Variants in PRDM16 observed in about 807,000 individuals in gnomAD.
PRDM16 encodes histone-lysine N-methyltransferase PRDM16.
PRDM16 carries 23 observed loss-of-function variants against 110.6 expected under a neutral mutation model. The ratio of observed to expected loss-of-function variants is 0.21; its 90% CI spans 0.15 to 0.29. The LOEUF (loss-of-function observed/expected upper bound fraction) is 0.29. Ranked by LOEUF, PRDM16 falls within the 10% of genes least tolerant of loss-of-function variation. PRDM16 has a pLI of 1.00. For missense variants in PRDM16, 1,615 were observed against 1,794.3 expected, an observed-to-expected ratio of 0.90 and a Z score of 1.81; for synonymous variants, 799 against 781.8, an observed-to-expected ratio of 1.02 and a Z score of -0.37.
intron 3 of PRDM16, among the ~76,000 whole-genome samples, chr1:3,259,046 T>A (rs1640107678): frequency 6.6e-6 from 1 of 152,202 alleles, no homozygotes; most frequent in Admixed American, 6.5e-5. Flanking sequence ...AAAAGGGAAC[T>A]GGCAAGGTGG....
intron 3 of PRDM16, among the ~76,000 whole-genome samples, chr1:3,327,131 G>A (rs1347005468): frequency 6.6e-6 from 1 of 152,254 alleles, no homozygotes; most frequent in Admixed American, 6.5e-5. Flanking sequence ...AACACTTTTT[G>A]TGTCTGAGAC....
At chr1:3,348,723 C>T (rs1190966985) in intron 3 of PRDM16, among the ~76,000 whole-genome samples, 1 of 152,248 alleles carries the variant, frequency 6.6e-6, no homozygotes, top group Non-Finnish European at 1.5e-5. Context: ...TTCACAGGAA[C>T]AGTCTGTCCT....
intron 1 of PRDM16, among the ~76,000 whole-genome samples, chr1:3,076,614 G>A (rs1557428295): frequency 6.6e-6 from 1 of 152,206 alleles, no homozygotes; most frequent in Non-Finnish European, 1.5e-5. Flanking sequence ...CTCGCCCACA[G>A]GTAGTGCCAG....
At chr1:3,394,059 CT>C (rs1486692419) in intron 4 of PRDM16, among the ~76,000 whole-genome samples, 1 of 152,102 alleles carries the variant, frequency 6.6e-6, no homozygotes, top group Non-Finnish European at 1.5e-5. Flanking sequence ...CCCGGCAAGT[CT>C]GCTGCCCTCG....
At position 3,404,719 on chromosome 1, in the gene PRDM16, G is replaced by C. The variant is rs368193795; in HGVS notation, c.885-20G>C. On this transcript the variant is annotated intron_variant, in intron 6 of 16. Coordinates refer to ENST00000270722, the MANE Select transcript of PRDM16 (RefSeq NM_022114.4). ...AGGGCAGGTAGTCGGGCCCCGCAGT[G>C]AGCCTCGTCCTCTGCGCAGCCTGGA... 3.1e-6 allele frequency: 5 copies of C among 1,611,710 alleles called. No homozygotes were observed. The East Asian group carries it at 1.1e-4, about 36-fold the overall frequency.
chr1:3,265,473 G>A lies in PRDM16; in HGVS notation c.438+21336G>A, dbSNP rs1640265027. Among the ~76,000 whole-genome samples, 1 of 152,036 alleles carries A rather than the reference G, an allele frequency of 6.6e-6. No homozygotes were observed. Among genetic ancestry groups the A allele is most frequent in the South Asian group, 2.1e-4 (1 of 4,828 alleles). On this transcript the variant is annotated intron_variant, in intron 3 of 16. Transcript: ENST00000270722. This position sits in a 1 kb window ranked among gnomAD's most constrained non-coding sequence, Gnocchi z 4.5. ...GGGAGGGACTTGGAGGCTTCCCGGT[G>A]GGAAGGTGAGTTGCCCTGCCTGCTT...
chr1:3,381,634 AC>A (rs1375484519), intron 3 of PRDM16, among the ~76,000 whole-genome samples: 1 of 151,706 alleles, frequency 6.6e-6, no homozygotes, highest in Non-Finnish European at 1.5e-5. Context: ...CAGGTGATCC[AC>A]CCGCCTCACT....
chr1:3,222,811 A>G (rs895537978), intron 2 of PRDM16, among the ~76,000 whole-genome samples: 1 of 152,206 alleles, frequency 6.6e-6, no homozygotes, highest in African/African-American at 2.4e-5. Flanking sequence ...TCCATCTGTG[A>G]TTCCTGGGCT....
intron 3 of PRDM16, among the ~76,000 whole-genome samples, chr1:3,267,361 G>T (rs1425616747): frequency 6.6e-6 from 1 of 152,128 alleles, no homozygotes; most frequent in Non-Finnish European, 1.5e-5. Context: ...CCTTTTTCTG[G>T]CTGAGTAATA....
chr1:3,269,401 G>A (rs1300956130), intron 3 of PRDM16, among the ~76,000 whole-genome samples: 2 of 151,558 alleles, frequency 1.3e-5, no homozygotes, highest in Non-Finnish European at 2.9e-5. Flanking sequence ...TCCCGGAGGA[G>A]GACAGTCGGG....
chr1:3,306,147 G>C (rs1641308380), intron 3 of PRDM16, among the ~76,000 whole-genome samples: 1 of 152,214 alleles, frequency 6.6e-6, no homozygotes, highest in South Asian at 2.1e-4. Flanking sequence ...TACTCACTGG[G>C]GGAGTTAGCC....
chr1:3,101,599 T>A (rs555828410), intron 1 of PRDM16, among the ~76,000 whole-genome samples: 1 of 152,188 alleles, frequency 6.6e-6, no homozygotes, highest in Non-Finnish European at 1.5e-5. Context: ...TCTGCTTCCT[T>A]GACACTGTGC....
chr1:3,113,815 C>T (rs772626259), intron 1 of PRDM16, among the ~76,000 whole-genome samples: 130 of 152,340 alleles, frequency 8.5e-4, no homozygotes, highest in Non-Finnish European at 1.5e-3. Flanking sequence ...CAGACTCCCT[C>T]GAAGGTGCCC....
intron 1 of PRDM16, among the ~76,000 whole-genome samples, chr1:3,090,446 A>G (rs12745331): frequency 0.095 from 14,453 of 152,330 alleles, 997 homozygotes; most frequent in Non-Finnish European, 0.15. Flanking sequence ...GAGCCTGCGC[A>G]CACAGGCCGG....
chr1:3,091,509 C>T (rs751747111), intron 1 of PRDM16, among the ~76,000 whole-genome samples: 2 of 152,242 alleles, frequency 1.3e-5, no homozygotes, highest in African/African-American at 2.4e-5. Flanking sequence ...ACTCCTCGTG[C>T]CGGCTCCTCT....
intron 1 of PRDM16, among the ~76,000 whole-genome samples, chr1:3,082,847 G>A (rs562273580): frequency 7.2e-4 from 110 of 152,328 alleles, no homozygotes; most frequent in African/African-American, 2.5e-3. Flanking sequence ...CGGCGCCTGG[G>A]TGCTGCGTGG....
intron 2 of PRDM16, among the ~76,000 whole-genome samples, chr1:3,193,793 C>T (rs555326335): frequency 1.3e-4 from 20 of 152,336 alleles, no homozygotes; most frequent in Non-Finnish European, 2.2e-4. Flanking sequence ...AAGTCCTTCC[C>T]GGGTGCCTGA....
intron 1 of PRDM16, among the ~76,000 whole-genome samples, chr1:3,141,224 T>C (rs78471435): frequency 0.13 from 19,560 of 152,264 alleles, 1,456 homozygotes; most frequent in African/African-American, 0.18. Flanking sequence ...TGGGCCAATT[T>C]GGGGGTATTT....
At position 3,148,017 on chromosome 1, in the gene PRDM16, C is replaced by T. The variant is rs968717595; in HGVS notation, c.38-38108C>T. 5.9e-5 allele frequency among the ~76,000 whole-genome samples: 8 copies of T among 135,230 alleles called. No homozygotes were observed. The highest frequency in any genetic ancestry group is 2.5e-4 in the African/African-American group (7 of 28,418). 88.7% of individuals were successfully genotyped at this position (135,230 alleles called of 152,430 possible). On this transcript the variant is annotated intron_variant, in intron 1 of 16. Transcript: ENST00000270722. This position sits in a 1 kb window ranked among gnomAD's most constrained non-coding sequence, Gnocchi z 5.0. ...TCCTGCGGCAAACCCCATCCTGCTG[C>T]TCACCTGCAACTTGGGAATACCGAG...
Sources: gnomAD v4.1 joint callset for allele counts (sites outside exome capture counted in the v4.1 genomes callset) on GRCh38, gnomAD v4.1.1 for gene constraint, Gnocchi (gnomAD v3.1) non-coding constraint, MANE v1.5 for transcripts, NCBI Gene and HGNC (gene_info 2026-07-23, HGNC 2026-07-21) for gene names.